Variants in LIG1 observed in about 807,000 individuals in gnomAD.
The protein encoded by LIG1 is DNA ligase 1, also known as ligase I, DNA, ATP-dependent.
Under a neutral mutation model 115.7 loss-of-function variants are expected in LIG1, and 70 were observed. That is an observed-to-expected ratio of 0.60 (90% CI 0.50 to 0.74). The LOEUF (loss-of-function observed/expected upper bound fraction) is 0.74. LIG1 is among the 30% of genes least tolerant of loss of function. The probability of loss-of-function intolerance (pLI) is 0.00; values close to 1 mark genes in which losing one functional copy is unlikely to be tolerated. For synonymous variants in LIG1, 487 were observed against 495.3 expected (o/e 0.98, Z 0.22); for missense variants, 1,115 against 1,225.6 (o/e 0.91, Z 1.35).
intron 2 of LIG1, 97 bp downstream of exon 2, chr19:48,165,453 G>C: frequency 9.6e-7 from 1 of 1,043,108 alleles, no homozygotes; most frequent in Non-Finnish European, 1.5e-6. Context: ...TAACGTAAGA[G>C]TTTTTGTTTG....
rs2033731433 is a variant in LIG1, at chr19:48,127,289, G to A, written c.1992C>T (p.Tyr664=). The stretch of plus-strand genomic sequence containing the variant: ...AGCTGGAACTCACCTCTCCATTGAG[G>A]TAGATGAGGTCGAAGGCGTACAAAC... The part of the protein sequence containing the change: ...QVCLYAFDLI[Y]LNGESLVREP... The change falls in exon 21 of 28, where the codon TAC becomes TAT. Residue 664 remains tyrosine (Y), a synonymous_variant. Transcript: ENST00000263274. 3 of 1,613,556 alleles carry A rather than the reference G, an allele frequency of 1.9e-6. No homozygotes were observed. The South Asian group carries it at 3.3e-5, about 18-fold the overall frequency.
At chr19:48,117,072 G>A (rs1363532703) in intron 26 of LIG1, among the ~76,000 whole-genome samples, 1 of 152,106 alleles carries the variant, frequency 6.6e-6, no homozygotes, top group Non-Finnish European at 1.5e-5. Flanking sequence ...GACCTCAAGT[G>A]ATCTGCCTGC....
At chr19:48,154,155 T>C (rs2035686554) in intron 5 of LIG1, 188 bp from the exon 6 acceptor site, 2 of 636,704 alleles carry the variant, frequency 3.1e-6, no homozygotes, top group Admixed American at 2.3e-5. Context: ...TGTGTGACCT[T>C]GGGCAGGTTA....
chr19:48,139,915 A>G, intron 12 of LIG1, 56 bp downstream of exon 12: 1 of 1,596,238 alleles, frequency 6.3e-7, no homozygotes, highest in Non-Finnish European at 8.6e-7. Context: ...TGACCTCTGC[A>G]TTTTCTCTGG....
chr19:48,134,474 A>G (rs1392066901), intron 16 of LIG1, among the ~76,000 whole-genome samples: 1 of 152,224 alleles, frequency 6.6e-6, no homozygotes, highest in African/African-American at 2.4e-5. Flanking sequence ...CCTAGCCAAC[A>G]TGGTGAAATC....
intron 6 of LIG1, 25 bp from the exon 7 acceptor site, chr19:48,151,364 T>A: frequency 6.8e-7 from 1 of 1,460,940 alleles, no homozygotes; most frequent in Non-Finnish European, 9.6e-7. Context: ...AACGGTCAGA[T>A]GGCAAAAAAA....
Position 48,122,517 on chromosome 19 carries a change from ACT to A in LIG1, c.2232+415_2232+416del, listed in dbSNP as rs1223052561. Among the ~76,000 whole-genome samples the A allele has an allele frequency of 1.3e-5, 2 of 150,656 alleles. No homozygotes were observed. The highest frequency in any genetic ancestry group is 4.9e-5 in the African/African-American group (2 of 40,962). ...TGCTCTGTCCCTCACTTTGGGAAAG[ACT>A]CTTCCTGATCATCCGGGGCACTCCC... On this transcript the variant is annotated intron_variant, in intron 23 of 27. Coordinates refer to ENST00000263274, the MANE Select transcript of LIG1 (RefSeq NM_000234.3). The surrounding 1 kb of genome is among the most constrained non-coding windows in gnomAD (Gnocchi z 4.3).
intron 4 of LIG1, among the ~76,000 whole-genome samples, chr19:48,159,564 C>G (rs538401069): frequency 1.3e-5 from 2 of 152,110 alleles, no homozygotes; most frequent in African/African-American, 4.8e-5. Context: ...GCTGACCTTC[C>G]GATAGTGGGA....
chr19:48,130,744 T>C (rs986350164), intron 19 of LIG1, among the ~76,000 whole-genome samples: 1 of 152,154 alleles, frequency 6.6e-6, no homozygotes, highest in Non-Finnish European at 1.5e-5. Flanking sequence ...TCTGGAAGAA[T>C]GACATCTGTT....
In LIG1 at chr19:48,150,084, T is replaced by C; in HGVS notation, c.697+4A>G. ...GGGAGGTGGGGTGAGCAAGGGAAAC[T>C]CACTGAAGAAGCTGCTGAGCGTCTT... On this transcript the variant is annotated splice_donor_region_variant and intron_variant, in intron 8 of 27. Transcript: ENST00000263274. The C allele has an allele frequency of 1.2e-6, 2 of 1,614,106 alleles. No individual in the cohort carries two copies. The highest frequency in any genetic ancestry group is 1.7e-6 in the Non-Finnish European group (2 of 1,180,004).
At chr19:48,150,025 G>C (rs2035366019) in intron 8 of LIG1, 63 bp downstream of exon 8, 2 of 1,610,078 alleles carry the variant, frequency 1.2e-6, no homozygotes, top group Non-Finnish European at 1.7e-6. Context: ...GGCCTCTGGA[G>C]AGAGGCTCAC....
chr19:48,159,141 G>A (rs1018013265), intron 4 of LIG1, among the ~76,000 whole-genome samples: 1 of 150,614 alleles, frequency 6.6e-6, no homozygotes, highest in Non-Finnish European at 1.5e-5. Context: ...GCAATGGCAC[G>A]ATCTCGGCTC....
At chr19:48,165,758 T>C (rs778769035) in intron 1 of LIG1, 135 bp from the exon 2 acceptor site, 34 of 727,532 alleles carry the variant, frequency 4.7e-5, no homozygotes, top group Non-Finnish European at 5.9e-5. Context: ...GAAACTCCTG[T>C]TTTTATGAAC....
intron 19 of LIG1, among the ~76,000 whole-genome samples, chr19:48,130,697 T>C (rs1187975375): frequency 6.6e-6 from 1 of 152,164 alleles, no homozygotes; most frequent in African/African-American, 2.4e-5. Context: ...TCCAGGAAAG[T>C]GTTAACTCAA....
At chr19:48,117,505 A>G in intron 26 of LIG1, 133 bp downstream of exon 26, 10 of 1,039,408 alleles carry the variant, frequency 9.6e-6, no homozygotes, top group Non-Finnish European at 1.4e-5. Flanking sequence ...TGACACTCAA[A>G]TAAAATGCAA....
At chr19:48,121,766 A>C (rs2033297554) in intron 23 of LIG1, among the ~76,000 whole-genome samples, 1 of 152,132 alleles carries the variant, frequency 6.6e-6, no homozygotes. Context: ...GTGCCATTGC[A>C]CTCCAGCCTG....
Position 48,131,133 on chromosome 19 carries a change from G to C in LIG1, c.1764C>G (p.Ser588Arg). 5.0e-6 allele frequency: 8 copies of C among 1,614,112 alleles called. No homozygotes were observed. The highest frequency in any genetic ancestry group is 6.8e-6 in the Non-Finnish European group (8 of 1,180,002). Residue 588 changes from serine (S) to arginine (R), a missense_variant, in exon 19 of 28, where the codon AGC becomes AGG. Transcript: ENST00000263274. ...TCCCAGTGTTGTCTTCCTGATTCCT[G>C]CTGAAGATCTTCACCTCCCCGCCTT... The part of the protein sequence containing the change: ...ALEGGEVKIF[S>R]RNQEDNTGKY...
At chr19:48,169,916 C>CCT (rs1362092369) in intron 1 of LIG1, 1 of 147,914 alleles carries the variant, frequency 6.8e-6, no homozygotes, top group Non-Finnish European at 1.5e-5. Flanking sequence ...AGTTTTCCCC[C>CCT]CCCCGGCCCC....
chr19:48,151,150 G>T lies in LIG1; in HGVS notation c.574+82C>A, dbSNP rs1034038019. On this transcript the variant is annotated intron_variant, in intron 7 of 27. Transcript: ENST00000263274. ...CAATAAGTTTGAGAATCTATGCCTT[G>T]TTTAAATTAATCATCCTCCAAAGAC... The T allele has an allele frequency of 1.0e-5, 8 of 802,092 alleles. No individual in the cohort carries two copies. In the Admixed American group the frequency reaches 1.1e-4, roughly 11 times the overall value. 49.7% of individuals were successfully genotyped at this position (802,092 alleles called of 1,614,324 possible). A position where few individuals can be genotyped will look rare whatever the true frequency, so the allele number is the denominator to read the frequency against.
Sources: allele counts gnomAD v4.1 joint callset (sites outside exome capture counted in the v4.1 genomes callset), GRCh38; gene constraint gnomAD v4.1.1; non-coding constraint Gnocchi (gnomAD v3.1); transcripts MANE v1.5; gene names NCBI Gene and HGNC (gene_info 2026-07-23, HGNC 2026-07-21).